Variants in SND1 observed in about 807,000 individuals in gnomAD.
SND1 encodes staphylococcal nuclease and tudor domain containing 1.
A neutral mutation model predicts 121.7 loss-of-function variants in SND1; 38 were observed. The observed-to-expected ratio is 0.31, with a 90% CI of 0.24 to 0.41. The LOEUF is 0.41. Ranked by LOEUF, SND1 falls within the 10% of genes least tolerant of loss-of-function variation. The probability of loss-of-function intolerance (pLI) is 1.00; values close to 1 mark genes in which losing one functional copy is unlikely to be tolerated. For synonymous variants in SND1, 401 were observed against 447.4 expected (o/e 0.90, Z 1.31); for missense variants, 868 against 1,184.6 (o/e 0.73, Z 3.92).
intron 12 of SND1, among the ~76,000 whole-genome samples, chr7:127,871,578 G>A (rs1035953831): frequency 6.6e-6 from 1 of 152,184 alleles, no homozygotes; most frequent in Non-Finnish European, 1.5e-5. Flanking sequence ...ATGTGAAGAT[G>A]AGTGTTTGGT....
At chr7:128,076,114 CT>C (rs1380679196) in intron 17 of SND1, among the ~76,000 whole-genome samples, 6 of 152,294 alleles carry the variant, frequency 3.9e-5, no homozygotes, top group South Asian at 4.2e-4. Flanking sequence ...TGGAAGCCAC[CT>C]TTTCAGAGCT....
chr7:127,827,547 C>T (rs1220493527), intron 11 of SND1, among the ~76,000 whole-genome samples: 2 of 152,144 alleles, frequency 1.3e-5, no homozygotes, highest in African/African-American at 4.8e-5. Context: ...TATCTTTCCA[C>T]CGCTCCCCAG....
intron 13 of SND1, among the ~76,000 whole-genome samples, chr7:127,895,558 A>G (rs1800103358): frequency 6.6e-6 from 1 of 152,074 alleles, no homozygotes; most frequent in South Asian, 2.1e-4. Context: ...TGGATTCAGC[A>G]CGTGTCATTA....
intron 1 of SND1, among the ~76,000 whole-genome samples, chr7:127,673,631 A>G (rs897466856): frequency 3.3e-5 from 5 of 152,146 alleles, no homozygotes; most frequent in African/African-American, 1.2e-4. Flanking sequence ...GATTCTTGTT[A>G]GTGTGATTTG....
intron 1 of SND1, among the ~76,000 whole-genome samples, chr7:127,658,116 A>T (rs572777661): frequency 1.3e-5 from 2 of 152,162 alleles, no homozygotes; most frequent in Non-Finnish European, 2.9e-5. Context: ...GTTCAAGACT[A>T]GCCCAACCAA....
intron 11 of SND1, among the ~76,000 whole-genome samples, chr7:127,822,093 A>G (rs1258628152): frequency 2.0e-5 from 3 of 152,208 alleles, no homozygotes; most frequent in Non-Finnish European, 2.9e-5. Flanking sequence ...TAAAGGGTAT[A>G]AGTTAGAGAC....
At chr7:128,056,178 T>TCCTC (rs1793138901) in intron 16 of SND1, among the ~76,000 whole-genome samples, 1 of 152,246 alleles carries the variant, frequency 6.6e-6, no homozygotes, top group Non-Finnish European at 1.5e-5. Context: ...CTCTTCCTCT[T>TCCTC]CCCTGTAACA....
chr7:127,752,331 G>A lies in SND1; in HGVS notation c.1152+30931G>A, dbSNP rs142394244. The stretch of plus-strand genomic sequence containing the variant: ...TGGTGAGTTTTGTTTTGCAGCCGTC[G>A]TAATGCTTATGTTCATCAGCAGTTC... On this transcript the variant is annotated intron_variant, in intron 10 of 23. Coordinates refer to ENST00000354725, the MANE Select transcript of SND1 (RefSeq NM_014390.4). Among the ~76,000 whole-genome samples, 207 of 152,254 alleles carry A rather than the reference G, an allele frequency of 1.4e-3. 3 individuals carry two copies. The East Asian group carries it at 0.019, about 14-fold the overall frequency.
Position 127,686,987 on chromosome 7 carries a change from C to A in SND1, c.228+225C>A, listed in dbSNP as rs1019109401. On this transcript the variant is annotated intron_variant, in intron 2 of 23. Coordinates refer to ENST00000354725, the MANE Select transcript of SND1 (RefSeq NM_014390.4). ...TTAGAGCTTTTTCTTGTACCTTTTC[C>A]CATAGACTTAGATTTGTTGTGTTTT... The A allele has an allele frequency of 1.0e-4, 45 of 450,820 alleles. No homozygotes were observed. In the East Asian group the frequency reaches 1.7e-3, roughly 17 times the overall value. 27.9% of individuals were successfully genotyped at this position (450,820 alleles called of 1,614,324 possible).
chr7:127,824,917 T>C (rs939146303), intron 11 of SND1, among the ~76,000 whole-genome samples: 27 of 152,160 alleles, frequency 1.8e-4, no homozygotes, highest in Admixed American at 8.5e-4. Flanking sequence ...GTCTGTTTTC[T>C]GGAATGTATG....
At chr7:127,786,775 CTGGGACTACAGGCGCGCG>C (rs1797820932) in intron 10 of SND1, among the ~76,000 whole-genome samples, 2 of 152,158 alleles carry the variant, frequency 1.3e-5, no homozygotes, top group African/African-American at 4.8e-5. Context: ...TCCCGTGTAG[CTGGGACTACAGGCGCGCG>C]CCACCATGCC....
intron 9 of SND1, among the ~76,000 whole-genome samples, chr7:127,717,750 C>G (rs1796415854): frequency 6.6e-6 from 1 of 152,182 alleles, no homozygotes; most frequent in African/African-American, 2.4e-5. Flanking sequence ...CCTTTTGTTT[C>G]TATCTGGTAC....
chr7:127,864,694 T>C (rs1799436027), intron 12 of SND1, among the ~76,000 whole-genome samples: 1 of 152,232 alleles, frequency 6.6e-6, no homozygotes, highest in Non-Finnish European at 1.5e-5. Context: ...GTTTTTAATA[T>C]GATCTAATTG....
chr7:128,076,270 T>C (rs536672648), intron 17 of SND1, among the ~76,000 whole-genome samples: 5 of 152,318 alleles, frequency 3.3e-5, no homozygotes, highest in African/African-American at 9.6e-5. Context: ...ACAGTGGGTT[T>C]GTCTGAAAGA....
At chr7:128,083,425 G>T (rs914562710) in intron 18 of SND1, among the ~76,000 whole-genome samples, 3 of 152,254 alleles carry the variant, frequency 2.0e-5, no homozygotes. Flanking sequence ...TAGGGAGAGG[G>T]GCGGCTGCTA....
chr7:127,992,635 C>T (rs1420397617), intron 16 of SND1, among the ~76,000 whole-genome samples: 1 of 152,186 alleles, frequency 6.6e-6, no homozygotes, highest in African/African-American at 2.4e-5. Flanking sequence ...CTGTCTAAGT[C>T]AAATTTCTCA....
intron 12 of SND1, among the ~76,000 whole-genome samples, chr7:127,875,092 C>A (rs1799665079): frequency 6.6e-6 from 1 of 152,160 alleles, no homozygotes; most frequent in South Asian, 2.1e-4. Flanking sequence ...CTCTCTGGAT[C>A]TGTCTTCATC....
chr7:128,056,873 C>T (rs1793151992), intron 16 of SND1, among the ~76,000 whole-genome samples: 1 of 152,126 alleles, frequency 6.6e-6, no homozygotes, highest in African/African-American at 2.4e-5. Context: ...AATATGCCAG[C>T]ATCACTACTC....
intron 16 of SND1, among the ~76,000 whole-genome samples, chr7:128,019,911 T>C (rs1373576673): frequency 6.6e-6 from 1 of 152,138 alleles, no homozygotes. Context: ...GTCCCCTTGC[T>C]TACACAACAC....
Sources: gnomAD v4.1 joint callset for allele counts (sites outside exome capture counted in the v4.1 genomes callset) on GRCh38, gnomAD v4.1.1 for gene constraint, MANE v1.5 for transcripts, NCBI Gene and HGNC (gene_info 2026-07-23, HGNC 2026-07-21) for gene names.